Variants in STARD6 observed in about 807,000 individuals in gnomAD.
STARD6 encodes the protein stAR-related lipid transfer protein 6.
A neutral mutation model predicts 22.3 loss-of-function variants in STARD6; 21 were observed. That is an observed-to-expected ratio of 0.94 (90% CI 0.67 to 1.35). STARD6 has a LOEUF of 1.35. Among genes scored for constraint, STARD6 ranks in the 40% most tolerant of loss-of-function variants. STARD6 has a pLI of 0.00. For missense variants in STARD6, 269 were observed against 266.9 expected (o/e 1.01, Z -0.05); for synonymous variants, 80 against 88.1 (o/e 0.91, Z 0.52).
At chr18:54,328,908 C>T (rs2088845049) in intron 7 of STARD6, among the ~76,000 whole-genome samples, 1 of 152,138 alleles carries the variant, frequency 6.6e-6, no homozygotes, top group South Asian at 2.1e-4. Context: ...TCTCATTTTG[C>T]AGGTATCTGC....
chr18:54,329,484 G>C, intron 6 of STARD6, 44 bp from the exon 7 acceptor site: 6 of 1,434,798 alleles, frequency 4.2e-6, no homozygotes, highest in Non-Finnish European at 5.7e-6. Context: ...TTCACAAAGA[G>C]GAAAAACTAT....
intron 4 of STARD6, among the ~76,000 whole-genome samples, chr18:54,353,483 AC>A (rs1381148685): frequency 2.0e-5 from 3 of 152,174 alleles, no homozygotes; most frequent in Non-Finnish European, 2.9e-5. Flanking sequence ...GGCCTGGGCA[AC>A]CCCATCTCTA....
intron 4 of STARD6, among the ~76,000 whole-genome samples, chr18:54,345,705 G>T (rs931230799): frequency 1.3e-5 from 2 of 152,296 alleles, no homozygotes; most frequent in South Asian, 2.1e-4. Flanking sequence ...TAGTAGTGAA[G>T]GTTGTGTGGT....
At chr18:54,341,096 C>A (rs2088964434) in intron 4 of STARD6, among the ~76,000 whole-genome samples, 1 of 152,170 alleles carries the variant, frequency 6.6e-6, no homozygotes, top group African/African-American at 2.4e-5. Flanking sequence ...TGCTCTGTTG[C>A]CCAGGCTGGA....
chr18:54,338,634 A>T (rs544186278), intron 4 of STARD6, among the ~76,000 whole-genome samples: 26 of 130,458 alleles, frequency 2.0e-4, no homozygotes, highest in African/African-American at 5.3e-4. Flanking sequence ...ACGTTGTTTT[A>T]AAAAAAAAAC....
At chr18:54,327,389 G>A (rs868847255) in intron 7 of STARD6, among the ~76,000 whole-genome samples, 2 of 151,900 alleles carry the variant, frequency 1.3e-5, no homozygotes, top group Non-Finnish European at 2.9e-5. Flanking sequence ...GGATGACTAC[G>A]AAAAAATTCA....
intron 3 of STARD6, 120 bp downstream of exon 3, chr18:54,354,364 G>GAT (rs1291233797): frequency 1.2e-6 from 1 of 834,680 alleles, no homozygotes; most frequent in Non-Finnish European, 1.9e-6. Flanking sequence ...GAGTAGCTGG[G>GAT]ACTATAGGTG....
chr18:54,335,700 C>G (rs2088904737), intron 5 of STARD6, among the ~76,000 whole-genome samples: 1 of 152,072 alleles, frequency 6.6e-6, no homozygotes, highest in African/African-American at 2.4e-5. Flanking sequence ...AATTGCTGTT[C>G]TCATGATAGT....
intron 3 of STARD6, 109 bp downstream of exon 3, chr18:54,354,375 C>G (rs2089124841): frequency 2.1e-6 from 2 of 936,578 alleles, no homozygotes; most frequent in Admixed American, 4.8e-5. Context: ...ACTATAGGTG[C>G]ACACCACTGC....
chr18:54,325,225 C>T lies in STARD6; in HGVS notation c.480-350G>A, dbSNP rs553841475. The stretch of plus-strand genomic sequence containing the variant: ...TACAGTTTTAATTGTTATATTTTCG[C>T]GTGACTATCTTTCTCTCTCTCTATA... On this transcript the variant is annotated intron_variant, in intron 7 of 7. Coordinates refer to ENST00000307844, the MANE Select transcript of STARD6 (RefSeq NM_139171.2). Among the ~76,000 whole-genome samples the T allele has an allele frequency of 2.0e-4, 31 of 152,118 alleles. No homozygotes were observed. The South Asian group carries it at 5.4e-3, about 27-fold the overall frequency.
At chr18:54,344,049 G>A (rs1361415746) in intron 4 of STARD6, among the ~76,000 whole-genome samples, 12 of 44,972 alleles carry the variant, frequency 2.7e-4, no homozygotes, top group South Asian at 9.5e-4. Context: ...CCCTCTGCCC[G>A]GCCACCACCC....
chr18:54,336,340 A>T (rs2088912222), intron 5 of STARD6, among the ~76,000 whole-genome samples: 1 of 152,180 alleles, frequency 6.6e-6, no homozygotes, highest in Admixed American at 6.6e-5. Context: ...CAAGGGCAGG[A>T]CCAGGTGGAG....
intron 6 of STARD6, among the ~76,000 whole-genome samples, chr18:54,329,997 T>C (rs1051461627): frequency 6.6e-6 from 1 of 151,898 alleles, no homozygotes; most frequent in African/African-American, 2.4e-5. Flanking sequence ...ATCAATAGAG[T>C]TTATTTTAGA....
intron 5 of STARD6, among the ~76,000 whole-genome samples, chr18:54,334,333 T>A (rs950370804): frequency 6.6e-6 from 1 of 152,222 alleles, no homozygotes; most frequent in Non-Finnish European, 1.5e-5. Context: ...TACCTCCTTA[T>A]AATCCATGCT....
chr18:54,338,625 C>T (rs767833070), intron 4 of STARD6, among the ~76,000 whole-genome samples: 2 of 150,322 alleles, frequency 1.3e-5, no homozygotes, highest in Non-Finnish European at 3.0e-5. Flanking sequence ...TTACCTAAAA[C>T]GTTGTTTTAA....
chr18:54,343,360 G>A (rs1366236808), intron 4 of STARD6, among the ~76,000 whole-genome samples: 4 of 145,112 alleles, frequency 2.8e-5, no homozygotes, highest in African/African-American at 5.2e-5. Context: ...ACCCCGTCCG[G>A]GAGGGAGGTG....
chr18:54,331,874 A>G lies in STARD6; in HGVS notation c.268-15T>C, dbSNP rs765056488. The G allele has an allele frequency of 6.5e-7, 1 of 1,531,066 alleles. No individual in the cohort carries two copies. The highest frequency in any genetic ancestry group is 9.0e-7 in the Non-Finnish European group (1 of 1,110,890). 94.8% of individuals were successfully genotyped at this position (1,531,066 alleles called of 1,614,324 possible). A position where few individuals can be genotyped will look rare whatever the true frequency, so the allele number is the denominator to read the frequency against. The stretch of plus-strand genomic sequence containing the variant: ...ATGAATGTGTCCTGCAACAAATCAA[A>G]CCGTAAAGATAACAAACGTTACTTA... On this transcript the variant is annotated splice_polypyrimidine_tract_variant and intron_variant, in intron 5 of 7. Transcript: ENST00000307844.
chr18:54,328,092 T>TA (rs971044769), intron 7 of STARD6, among the ~76,000 whole-genome samples: 3 of 152,082 alleles, frequency 2.0e-5, no homozygotes, highest in Non-Finnish European at 2.9e-5. Flanking sequence ...ATTATGAGAT[T>TA]AAAAAAACCA....
intron 4 of STARD6, among the ~76,000 whole-genome samples, chr18:54,352,126 T>TGTAGAA (rs2089103737): frequency 6.6e-6 from 1 of 151,344 alleles, no homozygotes; most frequent in Non-Finnish European, 1.5e-5. Flanking sequence ...GCTACTTGTT[T>TGTAGAA]TTGTTTTTTT....
Sources: allele counts gnomAD v4.1 joint callset (sites outside exome capture counted in the v4.1 genomes callset), GRCh38; gene constraint gnomAD v4.1.1; transcripts MANE v1.5; gene names NCBI Gene and HGNC (gene_info 2026-07-23, HGNC 2026-07-21).